The following STK38L variants were observed in gnomAD, a reference collection of about 807,000 sequenced individuals.
STK38L encodes the protein serine/threonine kinase 38 like, also known as serine/threonine-protein kinase 38-like.
Under a neutral mutation model 59.7 loss-of-function variants are expected in STK38L, and 28 were observed. The ratio of observed to expected loss-of-function variants is 0.47; its 90% CI spans 0.35 to 0.64. The LOEUF (loss-of-function observed/expected upper bound fraction) is 0.64. STK38L is among the 30% of genes least tolerant of loss of function. The pLI, the probability that STK38L is intolerant of heterozygous loss-of-function variation, is 0.01. For missense variants in STK38L, 314 were observed against 555.8 expected, an observed-to-expected ratio of 0.56 and a Z score of 4.37; for synonymous variants, 162 against 176.8, an observed-to-expected ratio of 0.92 and a Z score of 0.66.
intron 2 of STK38L, among the ~76,000 whole-genome samples, chr12:27,301,007 T>C (rs1944155886): frequency 6.6e-6 from 1 of 152,146 alleles, no homozygotes; most frequent in South Asian, 2.1e-4. Context: ...CCAGAACTAA[T>C]TAGGAGGAGT....
intron 1 of STK38L, among the ~76,000 whole-genome samples, chr12:27,245,025 A>G (rs1241673283): frequency 6.6e-6 from 1 of 152,152 alleles, no homozygotes. Flanking sequence ...GGCACGTTTC[A>G]CCTTTAAAAA....
chr12:27,251,853 G>T (rs1188391392), intron 1 of STK38L, among the ~76,000 whole-genome samples: 1 of 152,122 alleles, frequency 6.6e-6, no homozygotes, highest in Non-Finnish European at 1.5e-5. Context: ...CTATCTCATT[G>T]TGCACTCAAT....
chr12:27,314,389 A>G (rs1240064024), intron 6 of STK38L, 115 bp from the exon 7 acceptor site: 26 of 828,154 alleles, frequency 3.1e-5, no homozygotes, highest in Non-Finnish European at 3.7e-5. Flanking sequence ...CAACAGAGTG[A>G]GACTCTGTCT....
chr12:27,318,210 G>C (rs1022860839), intron 11 of STK38L, among the ~76,000 whole-genome samples, 191 bp downstream of exon 11: 3 of 152,204 alleles, frequency 2.0e-5, no homozygotes, highest in Non-Finnish European at 4.4e-5. Context: ...GAATTAAAAA[G>C]AGGGAGGAAG....
rs1944816748 is a variant in STK38L, at chr12:27,325,349, TATTTTTATGTAAATCTCTA to T, written c.*2896_*2914del. On this transcript the variant is annotated 3_prime_UTR_variant, in exon 14 of 14. Transcript: ENST00000389032. ...TTTTTCTGTTTTTTAAACACCTGCA[TATTTTTATGTAAATCTCTA>T]AATTTAAAATATTTTAAGTACATTT... is the stretch of plus-strand genomic sequence containing the variant. 1 of 152,190 alleles carries T rather than the reference TATTTTTATGTAAATCTCTA, an allele frequency of 6.6e-6. No individual in the cohort carries two copies. The highest frequency in any genetic ancestry group is 2.4e-5 in the African/African-American group (1 of 41,460). The allele number at this position is 152,190 out of a possible 1,614,324, so 9.4% of individuals were successfully genotyped here. A position where few individuals can be genotyped will look rare whatever the true frequency, so the allele number is the denominator to read the frequency against.
At chr12:27,263,195 A>G (rs1943238263) in intron 1 of STK38L, among the ~76,000 whole-genome samples, 2 of 152,200 alleles carry the variant, frequency 1.3e-5, no homozygotes, top group African/African-American at 2.4e-5. Context: ...ACTCTTAAGG[A>G]GTTCATAAAT....
Position 27,317,933 on chromosome 12 carries a change from G to A in STK38L, c.993G>A (p.Thr331=), listed in dbSNP as rs6487601. The A allele has an allele frequency of 0.97, 1,567,380 of 1,614,000 alleles. 761,211 individuals carry two copies. The highest frequency in any genetic ancestry group is 1 in the East Asian group (44,861 of 44,864). Residue 331 remains threonine, a synonymous_variant, in exon 11 of 14, where the codon ACG becomes ACA. Coordinates refer to ENST00000389032, the MANE Select transcript of STK38L (RefSeq NM_015000.4). The part of the protein sequence containing the change: ...PPFCSETPQE[T]YRKVMNWKET... ...TCTGCTCTGAAACACCTCAAGAAACGTACAGAAAAGTGATGAACTGGAAAG... is the reference window on the plus strand; with the variant it reads ...TCTGCTCTGAAACACCTCAAGAAACATACAGAAAAGTGATGAACTGGAAAG...
intron 6 of STK38L, 110 bp downstream of exon 6, chr12:27,312,782 A>G (rs536059649): frequency 1.5e-6 from 2 of 1,318,956 alleles, no homozygotes; most frequent in Admixed American, 2.3e-5. Flanking sequence ...GAGGCTTTAC[A>G]TAGTCACAGT....
At chr12:27,281,518 C>G (rs1427621999) in intron 1 of STK38L, among the ~76,000 whole-genome samples, 2 of 152,200 alleles carry the variant, frequency 1.3e-5, no homozygotes, top group African/African-American at 4.8e-5. Context: ...TAAATAACCT[C>G]TCTGTGCCCT....
rs756691206 is a variant in STK38L at position 27,322,258 on chromosome 12, A to T, written c.1267+24A>T. 7.4e-6 allele frequency: 12 copies of T among 1,613,372 alleles called. No individual in the cohort carries two copies. In the East Asian group the frequency reaches 2.7e-4, roughly 36 times the overall value. On this transcript the variant is annotated intron_variant, in intron 13 of 13. Coordinates refer to ENST00000389032, the MANE Select transcript of STK38L (RefSeq NM_015000.4). The stretch of plus-strand genomic sequence containing the variant: ...AGGTAAGACAATCTGTAATGTAACT[A>T]ACCCTATTAAAAGTCTTTGAAGATG...
chr12:27,283,091 T>C (rs780315782), intron 1 of STK38L, among the ~76,000 whole-genome samples: 1 of 152,248 alleles, frequency 6.6e-6, no homozygotes, highest in Admixed American at 6.5e-5. Flanking sequence ...GCAACTATTA[T>C]TACCATGTGC....
intron 1 of STK38L, among the ~76,000 whole-genome samples, chr12:27,261,059 A>G (rs1030935875): frequency 2.6e-5 from 4 of 152,306 alleles, no homozygotes; most frequent in African/African-American, 4.8e-5. Flanking sequence ...TATTGTAACA[A>G]ACTTGAAAAT....
At position 27,325,499 on chromosome 12, in the gene STK38L, G is replaced by A. The variant is rs1944819688; in HGVS notation, c.*3044G>A. 6.6e-6 allele frequency: 1 copy of A among 152,110 alleles called. No individual in the cohort carries two copies. Among genetic ancestry groups the A allele is most frequent in the Admixed American group, 6.6e-5 (1 of 15,264 alleles). The allele number at this position is 152,110 out of a possible 1,614,324, so 9.4% of individuals were successfully genotyped here. A position where few individuals can be genotyped will look rare whatever the true frequency, so the allele number is the denominator to read the frequency against. ...TTGCTGATCTACAAATAAATGAATT[G>A]AGAATTTAGTCCATAGAGGTCCCTG... On this transcript the variant is annotated 3_prime_UTR_variant, in exon 14 of 14. Coordinates refer to ENST00000389032, the MANE Select transcript of STK38L (RefSeq NM_015000.4).
At position 27,314,576 on chromosome 12, in the gene STK38L, C is replaced by T; in HGVS notation, c.590C>T (p.Thr197Ile). The T allele has an allele frequency of 6.2e-7, 1 of 1,610,504 alleles. No homozygotes were observed. Among genetic ancestry groups the T allele is most frequent in the Non-Finnish European group, 8.5e-7 (1 of 1,178,440 alleles). ...EEETQFYISETVLAIDAIHQL... is the reference protein window; with the variant it reads ...EEETQFYISEIVLAIDAIHQL... ...GAAACACAGTTCTACATTTCAGAGA[C>T]TGTTCTGGCAATAGATGCGATCCAC... The change falls in exon 7 of 14, where the codon ACT becomes ATT. Residue 197 changes from threonine (T) to isoleucine (I), a missense_variant. By Grantham distance (89) the Thr-to-Ile change is moderately conservative. Transcript: ENST00000389032.
intron 3 of STK38L, among the ~76,000 whole-genome samples, chr12:27,306,427 A>G (rs949886196): frequency 5.1e-4 from 78 of 152,174 alleles, no homozygotes; most frequent in African/African-American, 1.9e-3. Flanking sequence ...TTTAAAAATT[A>G]GTCTTAAAAT....
chr12:27,260,553 T>A (rs1591853744), intron 1 of STK38L, among the ~76,000 whole-genome samples: 1 of 152,170 alleles, frequency 6.6e-6, no homozygotes, highest in Non-Finnish European at 1.5e-5. Context: ...CCCCTCACTC[T>A]CTCTGTGCCG....
intron 12 of STK38L, 36 bp from the exon 13 acceptor site, chr12:27,322,107 G>C (rs746862113): frequency 2.7e-5 from 43 of 1,573,532 alleles, no homozygotes; most frequent in Non-Finnish European, 3.4e-5. Flanking sequence ...GAGAGTTCAA[G>C]AAAAGTTACC....
intron 1 of STK38L, among the ~76,000 whole-genome samples, chr12:27,290,734 A>T (rs539814325): frequency 6.6e-6 from 1 of 152,268 alleles, no homozygotes; most frequent in South Asian, 2.1e-4. Context: ...GAGTTGGTGG[A>T]CGGGTGGGAT....
At chr12:27,280,211 C>G (rs1290952774) in intron 1 of STK38L, among the ~76,000 whole-genome samples, 1 of 152,132 alleles carries the variant, frequency 6.6e-6, no homozygotes, top group Non-Finnish European at 1.5e-5. Context: ...ATTTTCAAAT[C>G]AGTTTCACAG....
Sources: allele counts gnomAD v4.1 joint callset (sites outside exome capture counted in the v4.1 genomes callset), GRCh38; gene constraint gnomAD v4.1.1; transcripts MANE v1.5; gene names NCBI Gene and HGNC (gene_info 2026-07-23, HGNC 2026-07-21).